NCKAP5: variants seen among roughly 807,000 people sequenced by gnomAD.
The protein encoded by NCKAP5 is nck-associated protein 5.
In NCKAP5, 92 loss-of-function variants were observed where a neutral mutation model predicts 167.0. The ratio of observed to expected loss-of-function variants is 0.55; its 90% confidence interval spans 0.47 to 0.66. The LOEUF is 0.66. NCKAP5 is among the 30% of genes least tolerant of loss of function. The pLI is 0.00. For synonymous variants in NCKAP5, 891 were observed against 877.4 expected, an observed-to-expected ratio of 1.02 and a Z score of -0.27; for missense variants, 2,378 against 2,315.0, an observed-to-expected ratio of 1.03 and a Z score of -0.56.
In NCKAP5 at chr2:132,672,942, C is replaced by A; in HGVS notation, c.*347G>T. 1 of 961,976 alleles carries A rather than the reference C, an allele frequency of 1.0e-6. No homozygotes were observed. The highest frequency in any genetic ancestry group is 1.2e-6 in the Non-Finnish European group (1 of 808,192). 59.6% of individuals were successfully genotyped at this position (961,976 alleles called of 1,614,324 possible). On this transcript the variant is annotated 3_prime_UTR_variant, in exon 20 of 20. Transcript: ENST00000409261. ...GTACTGCAATAGTTTATTGTTATCT[C>A]TATCAAGCGGTGCACCCCCCACCCC...
intron 3 of NCKAP5, among the ~76,000 whole-genome samples, chr2:133,360,314 G>A (rs1222091571): frequency 1.2e-4 from 19 of 152,180 alleles, no homozygotes; most frequent in Admixed American, 1.2e-3. Context: ...TCAAATCAAA[G>A]GCAGACTAAT....
chr2:132,710,583 T>C (rs1276500210), intron 19 of NCKAP5, among the ~76,000 whole-genome samples: 2 of 152,182 alleles, frequency 1.3e-5, no homozygotes, highest in Non-Finnish European at 2.9e-5. Flanking sequence ...GAGCAGTCAA[T>C]TTAAAGAAGC....
chr2:132,859,530 T>C (rs899883548), intron 11 of NCKAP5, among the ~76,000 whole-genome samples: 2 of 152,218 alleles, frequency 1.3e-5, no homozygotes, highest in Non-Finnish European at 2.9e-5. Context: ...TTAATTTTAA[T>C]TTAATTTAAA....
chr2:133,609,271 CTGT>C, the NCKAP5 span, among the ~76,000 whole-genome samples: 4 of 152,168 alleles, frequency 2.6e-5, no homozygotes, highest in African/African-American at 4.8e-5. Flanking sequence ...AAAATATTAT[CTGT>C]TGTTGTTCTC....
At chr2:133,502,183 T>C (rs954412595) in intron 3 of NCKAP5, among the ~76,000 whole-genome samples, 1 of 152,232 alleles carries the variant, frequency 6.6e-6, no homozygotes, top group African/African-American at 2.4e-5. Flanking sequence ...TATCTGCATC[T>C]GGTTTATATG....
rs568585718 is a variant in NCKAP5 at position 133,172,070 on chromosome 2, T to C, written c.207+41646A>G. ...GAGACTCTGGACACTTTGAAAACAC[T>C]TTTGTTTACTAGAAATAATGACTTG... On this transcript the variant is annotated intron_variant, in intron 5 of 19. Transcript: ENST00000409261. 1.3e-4 allele frequency among the ~76,000 whole-genome samples: 20 copies of C among 152,318 alleles called. No homozygotes were observed. The South Asian group carries it at 3.9e-3, about 30-fold the overall frequency.
At chr2:132,881,644 T>C (rs1691767615) in intron 8 of NCKAP5, among the ~76,000 whole-genome samples, 1 of 148,698 alleles carries the variant, frequency 6.7e-6, no homozygotes, top group Non-Finnish European at 1.5e-5. Flanking sequence ...CCCTCATACA[T>C]ATTTGGTGGA....
At chr2:132,901,900 G>A (rs1693656542) in intron 8 of NCKAP5, among the ~76,000 whole-genome samples, 1 of 152,156 alleles carries the variant, frequency 6.6e-6, no homozygotes, top group Non-Finnish European at 1.5e-5. Context: ...TCATCTTTGT[G>A]TGTTTGAGGG....
intron 7 of NCKAP5, among the ~76,000 whole-genome samples, chr2:132,969,157 C>A (rs1387411725): frequency 1.3e-5 from 2 of 152,124 alleles, no homozygotes; most frequent in Admixed American, 1.3e-4. Context: ...CCTGTCTCAG[C>A]CTCCCGAGTA....
Position 132,994,249 on chromosome 2 carries a change from A to G in NCKAP5, c.342-10T>C, listed in dbSNP as rs146221107. On this transcript the variant is annotated splice_polypyrimidine_tract_variant and intron_variant, in intron 6 of 19. Transcript: ENST00000409261. The stretch of plus-strand genomic sequence containing the variant: ...TACTGTTTCTTCCATCCTGAGAAAC[A>G]AAAATATTAAGAATTTCTTAAAGAA... The G allele has an allele frequency of 4.7e-5, 73 of 1,548,976 alleles. No individual in the cohort carries two copies. The East Asian group carries it at 1.2e-3, about 26-fold the overall frequency.
intron 8 of NCKAP5, among the ~76,000 whole-genome samples, chr2:132,916,945 T>C (rs1694929631): frequency 6.6e-6 from 1 of 152,222 alleles, no homozygotes; most frequent in African/African-American, 2.4e-5. Context: ...GATTCTCTAA[T>C]GCAAAATTGA....
chr2:132,839,148 T>C (rs925618420), intron 11 of NCKAP5, among the ~76,000 whole-genome samples: 2 of 152,176 alleles, frequency 1.3e-5, no homozygotes, highest in South Asian at 4.1e-4. Flanking sequence ...AAATCTATTG[T>C]TTGTCTACTG....
intron 19 of NCKAP5, among the ~76,000 whole-genome samples, chr2:132,700,679 T>C (rs367627258): frequency 2.0e-5 from 3 of 152,318 alleles, no homozygotes; most frequent in South Asian, 4.1e-4. Flanking sequence ...CTACATTCTG[T>C]CAATAAACAT....
chr2:133,352,402 T>C (rs766662481), intron 3 of NCKAP5, among the ~76,000 whole-genome samples: 5 of 152,186 alleles, frequency 3.3e-5, no homozygotes, highest in Non-Finnish European at 7.4e-5. Context: ...AAAGAATAAA[T>C]TAATGCACAA....
intron 2 of NCKAP5, among the ~76,000 whole-genome samples, chr2:133,533,353 T>C (rs1685512585): frequency 6.6e-6 from 1 of 152,362 alleles, no homozygotes; most frequent in South Asian, 2.1e-4. Context: ...TCTCAATGTT[T>C]GAAGATTAGT....
intron 6 of NCKAP5, among the ~76,000 whole-genome samples, chr2:133,102,150 G>C (rs1434536898): frequency 6.6e-6 from 1 of 151,260 alleles, no homozygotes; most frequent in African/African-American, 2.4e-5. Flanking sequence ...TTTTTTGTTT[G>C]TTTGCTTGGT....
At chr2:132,896,799 C>G (rs1023631671) in intron 8 of NCKAP5, among the ~76,000 whole-genome samples, 1 of 152,136 alleles carries the variant, frequency 6.6e-6, no homozygotes, top group Non-Finnish European at 1.5e-5. Flanking sequence ...ATCCAGAGAC[C>G]TGGCTTTTTA....
chr2:133,069,875 A>ATG (rs2080329872), intron 6 of NCKAP5, among the ~76,000 whole-genome samples: 2 of 151,780 alleles, frequency 1.3e-5, no homozygotes, highest in African/African-American at 4.8e-5. Context: ...TTAAAAATAT[A>ATG]TATATATACA....
intron 11 of NCKAP5, 87 bp downstream of exon 11, chr2:132,860,405 A>G (rs1472892340): frequency 1.1e-5 from 16 of 1,414,126 alleles, no homozygotes; most frequent in Non-Finnish European, 1.5e-5. Flanking sequence ...TGCCTTGCTC[A>G]TGAAGATGTT....
Sources: allele counts gnomAD v4.1 joint callset (sites outside exome capture counted in the v4.1 genomes callset), GRCh38; gene constraint gnomAD v4.1.1; transcripts MANE v1.5; gene names NCBI Gene and HGNC (gene_info 2026-07-23, HGNC 2026-07-21).